The following TRIP13 variants were observed in gnomAD, a reference collection of about 807,000 sequenced individuals.
TRIP13 encodes the protein pachytene checkpoint protein 2 homolog.
TRIP13 carries 25 observed loss-of-function variants against 54.4 expected under a neutral mutation model. The observed-to-expected ratio is 0.46, with a 90% CI of 0.33 to 0.64. TRIP13 has a LOEUF of 0.64. TRIP13 is among the 30% of genes least tolerant of loss of function. The probability of loss-of-function intolerance (pLI) is 0.02; values close to 1 mark genes in which losing one functional copy is unlikely to be tolerated. For missense variants in TRIP13, 373 were observed against 534.2 expected, an observed-to-expected ratio of 0.70 and a Z score of 2.97; for synonymous variants, 207 against 207.8, an observed-to-expected ratio of 1.00 and a Z score of 0.03.
intron 4 of TRIP13, 143 bp from the exon 5 acceptor site, chr5:901,198 G>A: frequency 1.7e-6 from 1 of 587,102 alleles, no homozygotes; most frequent in Non-Finnish European, 3.0e-6. Context: ...GAAAGCGTTT[G>A]GAGGTGATGA....
In TRIP13 at chr5:896,726, C is replaced by G; in HGVS notation, c.320C>G (p.Pro107Arg). ...ATTTTCCAGCTGAATGAAGATGGCC[C>G]CAGCAGTGAAAATCTGGAGGAAGAG... ...LHIFQLNEDG[P>R]SSENLEEETE... is the part of the protein sequence containing the mutation. The change falls in exon 3 of 13, where the codon CCC becomes CGC. Residue 107 changes from proline (P) to arginine (R), a missense_variant. By Grantham distance (103) the Pro-to-Arg change is moderately radical (BLOSUM62 -2). Coordinates refer to ENST00000166345, the MANE Select transcript of TRIP13 (RefSeq NM_004237.4). The G allele has an allele frequency of 6.2e-7, 1 of 1,613,864 alleles. No homozygotes were observed. Among genetic ancestry groups the G allele is most frequent in the South Asian group, 1.1e-5 (1 of 91,054 alleles).
At chr5:900,034 C>G (rs182767748) in intron 3 of TRIP13, among the ~76,000 whole-genome samples, 1 of 152,350 alleles carries the variant, frequency 6.6e-6, no homozygotes, top group East Asian at 1.9e-4. Flanking sequence ...TGTGCTGAAG[C>G]ATATGGATAA....
intron 12 of TRIP13, among the ~76,000 whole-genome samples, chr5:916,334 A>G (rs1230044558): frequency 6.6e-6 from 1 of 152,122 alleles, no homozygotes; most frequent in Admixed American, 6.5e-5. Context: ...CCACAGCCTC[A>G]CCCACTGGGT....
At chr5:901,778 A>G (rs1242210833) in intron 5 of TRIP13, among the ~76,000 whole-genome samples, 1 of 151,980 alleles carries the variant, frequency 6.6e-6, no homozygotes, top group Non-Finnish European at 1.5e-5. Flanking sequence ...ATGCGCCACC[A>G]CACCCAGCTA....
intron 3 of TRIP13, among the ~76,000 whole-genome samples, 186 bp downstream of exon 3, chr5:896,980 T>C (rs1371841290): frequency 6.6e-6 from 1 of 152,248 alleles, no homozygotes; most frequent in East Asian, 1.9e-4. Flanking sequence ...TGTGGGACCA[T>C]ACTGTTCCTT....
Position 911,703 on chromosome 5 carries a change from G to A in TRIP13, c.867-140G>A, listed in dbSNP as rs763066081. 3.3e-5 allele frequency: 35 copies of A among 1,072,860 alleles called. No individual in the cohort carries two copies. Among genetic ancestry groups the A allele is most frequent in the South Asian group, 1.9e-4 (11 of 58,646 alleles). The allele number at this position is 1,072,860 out of a possible 1,614,324, so 66.5% of individuals were successfully genotyped here. ...AAAGGCTGGGGGGTCTGCGTGGCCT[G>A]TGTTGGCACAAGGCCACTTTCCTTC... On this transcript the variant is annotated intron_variant, in intron 9 of 12. Transcript: ENST00000166345. The surrounding 1 kb of genome is among the most constrained non-coding windows in gnomAD (Gnocchi z 4.7).
chr5:904,173 C>T lies in TRIP13; in HGVS notation c.561C>T (p.Ser187=), dbSNP rs1179220260. Residue 187 remains serine (S), a synonymous_variant, in exon 6 of 13, where the codon TCC becomes TCT. Coordinates refer to ENST00000166345, the MANE Select transcript of TRIP13 (RefSeq NM_004237.4). ...GTCCTCCTGGCACTGGAAAAACATC[C>T]CTGTGTAAAGCGTTAGCCCAGAAAT... ...LHGPPGTGKT[S]LCKALAQKLT... is the part of the protein sequence containing the mutation. 19 of 1,608,726 alleles carry T rather than the reference C, an allele frequency of 1.2e-5. No homozygotes were observed. Among genetic ancestry groups the T allele is most frequent in the Non-Finnish European group, 1.5e-5 (18 of 1,178,474 alleles).
intron 3 of TRIP13, among the ~76,000 whole-genome samples, chr5:900,020 G>T (rs1316600970): frequency 6.6e-6 from 1 of 152,248 alleles, no homozygotes; most frequent in Admixed American, 6.5e-5. Flanking sequence ...TTGGCATCTG[G>T]ACTTGTGCTG....
Position 908,828 on chromosome 5 carries a change from G to A in TRIP13, c.866+367G>A. ...AAAAAATTAGCTGGGCATGATGGCG[G>A]GCGCCTGTAGTCCCAGCTACTCTGG... On this transcript the variant is annotated intron_variant, in intron 9 of 12. Transcript: ENST00000166345. This position sits in a 1 kb window ranked among gnomAD's most constrained non-coding sequence, Gnocchi z 5.2. 3 of 311,480 alleles carry A rather than the reference G, an allele frequency of 9.6e-6. No individual in the cohort carries two copies. Among genetic ancestry groups the A allele is most frequent in the Non-Finnish European group, 1.6e-5 (3 of 184,484 alleles). 19.3% of individuals were successfully genotyped at this position (311,480 alleles called of 1,614,324 possible).
At position 912,259 on chromosome 5, in the gene TRIP13, G is replaced by A. The variant is rs1006362239; in HGVS notation, c.1020+263G>A. On this transcript the variant is annotated intron_variant, in intron 10 of 12. Transcript: ENST00000166345. The surrounding 1 kb of genome is among the most constrained non-coding windows in gnomAD (Gnocchi z 7.2). ...TGAGGTACCAGTCAGTGTAGGGGAC[G>A]TCAGTGACCGGCTGTGTTTACCTGG... is the stretch of plus-strand genomic sequence containing the variant. 2.6e-5 allele frequency among the ~76,000 whole-genome samples: 4 copies of A among 151,708 alleles called. No homozygotes were observed. Among genetic ancestry groups the A allele is most frequent in the East Asian group, 1.9e-4 (1 of 5,162 alleles).
Position 914,505 on chromosome 5 carries a change from G to A in TRIP13, c.1061G>A (p.Arg354Gln), listed in dbSNP as rs768674351. ...CCTCGCCAGCAGCTGCTGACCCTCC[G>A]AGAGCTAGAGATGATTGGCTTCATT... is the stretch of plus-strand genomic sequence containing the variant. ...IYPRQQLLTL[R>Q]ELEMIGFIEN... The change falls in exon 11 of 13, where the codon CGA becomes CAA. Residue 354 changes from arginine (R) to glutamine (Q), a missense_variant. By Grantham distance (43) the Arg-to-Gln change is conservative. Around this residue, in one of 4 missense-constraint regions of TRIP13, gnomAD observed 101 missense variants for 138.5 expected, o/e 0.73. Coordinates refer to ENST00000166345, the MANE Select transcript of TRIP13 (RefSeq NM_004237.4). 3.7e-6 allele frequency: 6 copies of A among 1,613,472 alleles called. No homozygotes were observed. The highest frequency in any genetic ancestry group is 2.2e-5 in the East Asian group (1 of 44,872).
chr5:905,994 T>C (rs1295003291), intron 6 of TRIP13, among the ~76,000 whole-genome samples: 1 of 152,120 alleles, frequency 6.6e-6, no homozygotes, highest in African/African-American at 2.4e-5. Flanking sequence ...GGCAGGTGGA[T>C]CATTTGAAAC....
chr5:906,855 T>C (rs2150687417), intron 6 of TRIP13, among the ~76,000 whole-genome samples: 1 of 152,372 alleles, frequency 6.6e-6, no homozygotes, highest in East Asian at 1.9e-4. Flanking sequence ...TGCTAATATT[T>C]TTAAACATAG....
At chr5:901,178 C>T (rs919087414) in intron 4 of TRIP13, among the ~76,000 whole-genome samples, 163 bp from the exon 5 acceptor site, 1 of 152,162 alleles carries the variant, frequency 6.6e-6, no homozygotes, top group Non-Finnish European at 1.5e-5. Flanking sequence ...AGCACCTTCT[C>T]TTCTGAAATG....
chr5:902,114 T>C (rs1754004986), intron 5 of TRIP13, among the ~76,000 whole-genome samples: 1 of 152,208 alleles, frequency 6.6e-6, no homozygotes, highest in African/African-American at 2.4e-5. Context: ...TTGTGAGGAG[T>C]AAACTGAAAA....
chr5:908,465 AC>A lies in TRIP13; in HGVS notation c.866+6del, dbSNP rs770219589. ...CCCAAATTGATCAGATTAAAAGGTA[AC>A]CAGGACATGCAGCAATTTTCCCTGA... On this transcript the variant is annotated splice_donor_5th_base_variant and intron_variant, in intron 9 of 12. Transcript: ENST00000166345. This position sits in a 1 kb window ranked among gnomAD's most constrained non-coding sequence, Gnocchi z 5.2. 1.2e-5 allele frequency: 19 copies of A among 1,613,394 alleles called. No individual in the cohort carries two copies. The African/African-American group carries it at 2.5e-4, about 22-fold the overall frequency.
chr5:914,549 T>G lies in TRIP13; in HGVS notation c.1105T>G (p.Leu369Val). 3 of 1,613,512 alleles carry G rather than the reference T, an allele frequency of 1.9e-6. No individual in the cohort carries two copies. Among genetic ancestry groups the G allele is most frequent in the Non-Finnish European group, 1.7e-6 (2 of 1,179,878 alleles). Reference protein sequence around the residue: ...IGFIENNVSKLSLLLNDISRK... With the variant: ...IGFIENNVSKVSLLLNDISRK... Reference sequence around the variant, plus strand: ...CTTCATTGAAAACAACGTGTCAAAATTGAGCCTTCTTTTGAATGACATTTC... The same window carrying G: ...CTTCATTGAAAACAACGTGTCAAAAGTGAGCCTTCTTTTGAATGACATTTC... Residue 369 changes from leucine (L) to valine (V), a missense_variant, in exon 11 of 13, where the codon TTG becomes GTG. Leu to Val is a conservative substitution (Grantham distance 32, BLOSUM62 1). Transcript: ENST00000166345.
intron 10 of TRIP13, 46 bp from the exon 11 acceptor site, chr5:914,419 A>T: frequency 7.1e-7 from 1 of 1,416,262 alleles, no homozygotes; most frequent in Non-Finnish European, 1.0e-6. Context: ...GCCTACGCTC[A>T]GGCCTCTGTG....
In TRIP13 at chr5:917,178, TC is replaced by T; in HGVS notation, c.*76del. On this transcript the variant is annotated 3_prime_UTR_variant, in exon 13 of 13. Coordinates refer to ENST00000166345, the MANE Select transcript of TRIP13 (RefSeq NM_004237.4). Reference sequence around the variant, plus strand: ...TAAGTGAGGTTGCCCCACACAGCCGTCTCCCAGGGAATCCCTTCTGCAAACC... The same window carrying T: ...TAAGTGAGGTTGCCCCACACAGCCGTTCCCAGGGAATCCCTTCTGCAAACC... 1 of 1,442,186 alleles carries T rather than the reference TC, an allele frequency of 6.9e-7. No individual in the cohort carries two copies. The highest frequency in any genetic ancestry group is 9.6e-7 in the Non-Finnish European group (1 of 1,043,652). 89.3% of individuals were successfully genotyped at this position (1,442,186 alleles called of 1,614,324 possible). A position where few individuals can be genotyped will look rare whatever the true frequency, so the allele number is the denominator to read the frequency against.
Sources: gnomAD v4.1 joint callset for allele counts (sites outside exome capture counted in the v4.1 genomes callset) on GRCh38, gnomAD v4.1.1 for gene constraint, gnomAD v4.1.1 regional missense constraint, Gnocchi (gnomAD v3.1) non-coding constraint, MANE v1.5 for transcripts, NCBI Gene and HGNC (gene_info 2026-07-23, HGNC 2026-07-21) for gene names.